NLRC3: variants seen among roughly 807,000 people sequenced by gnomAD.
The protein encoded by NLRC3 is NLR family CARD domain containing 3, also known as NLR family CARD domain-containing protein 3.
Under a neutral mutation model 91.6 loss-of-function variants are expected in NLRC3, and 87 were observed. The ratio of observed to expected loss-of-function variants is 0.95; its 90% confidence interval spans 0.80 to 1.14. The LOEUF (loss-of-function observed/expected upper bound fraction) is 1.14. NLRC3 is among the 50% of genes most tolerant of loss of function. NLRC3 has a pLI of 0.00. For synonymous variants in NLRC3, 694 were observed against 625.3 expected (o/e 1.11, Z -1.64); for missense variants, 1,577 against 1,418.6 (o/e 1.11, Z -1.79).
At chr16:3,556,017 T>G (rs1461572729) in intron 8 of NLRC3, 4 of 150,270 alleles carry the variant, frequency 2.7e-5, no homozygotes, top group African/African-American at 9.7e-5. Flanking sequence ...AGTATAGATA[T>G]AACCACAGGC....
rs1329405266 is a variant in NLRC3 at position 3,539,227 on chromosome 16, TATC to T, written c.*2595_*2597del. 1 of 152,230 alleles carries T rather than the reference TATC, an allele frequency of 6.6e-6. No homozygotes were observed. The highest frequency in any genetic ancestry group is 1.9e-4 in the East Asian group (1 of 5,204). 9.4% of individuals were successfully genotyped at this position (152,230 alleles called of 1,614,324 possible). On this transcript the variant is annotated 3_prime_UTR_variant, in exon 20 of 20. Transcript: ENST00000359128. ...TTAGGTAAGCAACACACTACATAAATATCATAGCTGTTAGACCCAGGGGACTCT... is the reference window on the plus strand; with the variant it reads ...TTAGGTAAGCAACACACTACATAAATATAGCTGTTAGACCCAGGGGACTCT...
At chr16:3,551,651 C>T (rs1456945814) in intron 10 of NLRC3, among the ~76,000 whole-genome samples, 1 of 151,402 alleles carries the variant, frequency 6.6e-6, no homozygotes, top group Non-Finnish European at 1.5e-5. Context: ...ATCCATCCAT[C>T]CATTCAACCG....
Position 3,557,770 on chromosome 16 carries a change from C to G in NLRC3, c.2016-94G>C, listed in dbSNP as rs537048380. ...GTGCCCGTGATTAATCCTCTAGGCT[C>G]CCCCACATCATCAGGGTCTGGACAT... On this transcript the variant is annotated intron_variant, in intron 6 of 19. Transcript: ENST00000359128. The G allele has an allele frequency of 6.6e-5, 51 of 775,676 alleles. No individual in the cohort carries two copies. The African/African-American group carries it at 7.7e-4, about 12-fold the overall frequency. 48.0% of individuals were successfully genotyped at this position (775,676 alleles called of 1,614,324 possible).
At chr16:3,556,387 C>G (rs975647838) in intron 8 of NLRC3, among the ~76,000 whole-genome samples, 1 of 149,562 alleles carries the variant, frequency 6.7e-6, no homozygotes, top group African/African-American at 2.5e-5. Context: ...AACTCTGTCC[C>G]CTGCTCAGGC....
In NLRC3 at chr16:3,564,161, G is replaced by T. The variant is rs756465479; in HGVS notation, c.776C>A (p.Pro259Gln). Residue 259 changes from proline (P) to glutamine (Q), a missense_variant, in exon 5 of 20, where the codon CCG becomes CAG. Physicochemically the swap from Pro to Gln is moderately conservative, Grantham distance 76 (BLOSUM62 -1). Coordinates refer to ENST00000359128, the MANE Select transcript of NLRC3 (RefSeq NM_178844.4). This position sits in a 1 kb window ranked among gnomAD's most constrained non-coding sequence, Gnocchi z 5.9. ...ITNIIRGNLF[P>Q]EVSIWITSRP... ...GGAGGTGATCCAGATGGAAACTTCC[G>T]GAAAGAGGTTGCCACGGATGATGTT... 1 of 1,613,676 alleles carries T rather than the reference G, an allele frequency of 6.2e-7. No individual in the cohort carries two copies. Among genetic ancestry groups the T allele is most frequent in the African/African-American group, 1.3e-5 (1 of 75,066 alleles).
chr16:3,570,599 G>A lies in NLRC3; in HGVS notation c.-168-3275C>T, dbSNP rs945219740. ...TCTAGGGGGAGGAGGAGCAGAGGTG[G>A]TAATTGGCGGCTGGGGAAGGCTGCT... On this transcript the variant is annotated intron_variant, in intron 1 of 19. Transcript: ENST00000359128. 3.9e-5 allele frequency among the ~76,000 whole-genome samples: 6 copies of A among 152,286 alleles called. 1 individual carries two copies. Among genetic ancestry groups the A allele is most frequent in the Admixed American group, 1.3e-4 (2 of 15,288 alleles).
rs980885933 is a variant in NLRC3, at chr16:3,542,988, G to A, written c.2940-213C>T. Reference sequence around the variant, plus strand: ...GGGGCATGGCTGGCCTAGCCAGGAGGGTTGTTGGAGCCTTCCTCCTCTTCC... The same window carrying A: ...GGGGCATGGCTGGCCTAGCCAGGAGAGTTGTTGGAGCCTTCCTCCTCTTCC... On this transcript the variant is annotated intron_variant, in intron 17 of 19. Coordinates refer to ENST00000359128, the MANE Select transcript of NLRC3 (RefSeq NM_178844.4). 4 of 564,804 alleles carry A rather than the reference G, an allele frequency of 7.1e-6. No individual in the cohort carries two copies. In the African/African-American group the frequency reaches 7.5e-5, roughly 11 times the overall value. The allele number at this position is 564,804 out of a possible 1,614,324, so 35.0% of individuals were successfully genotyped here. A position where few individuals can be genotyped will look rare whatever the true frequency, so the allele number is the denominator to read the frequency against.
rs1181368815 is a variant in NLRC3 at position 3,564,920 on chromosome 16, G to A, written c.117C>T (p.Gly39=). 2 of 1,610,150 alleles carry A rather than the reference G, an allele frequency of 1.2e-6. No individual in the cohort carries two copies. The highest frequency in any genetic ancestry group is 1.3e-5 in the African/African-American group (1 of 74,944). The change falls in exon 4 of 20, where the codon GGC becomes GGT. Residue 39 remains glycine, a synonymous_variant. Transcript: ENST00000359128. The surrounding 1 kb of genome is among the most constrained non-coding windows in gnomAD (Gnocchi z 5.9). Reference sequence around the variant, plus strand: ...TATCCAGGGCCTGCGGGGCCTGGGAGCCTTGACTGCCCTTCCCAGCCAGCA... The same window carrying A: ...TATCCAGGGCCTGCGGGGCCTGGGAACCTTGACTGCCCTTCCCAGCCAGCA... ...MDLLAGKGSQ[G]SQAPQALDRT...
At chr16:3,554,148 C>T (rs981155172) in intron 9 of NLRC3, 94 bp downstream of exon 9, 1 of 958,834 alleles carries the variant, frequency 1.0e-6, no homozygotes, top group Non-Finnish European at 1.7e-6. Flanking sequence ...GGTCCTAGCC[C>T]CATCCATTCT....
Position 3,561,808 on chromosome 16 carries a change from A to C in NLRC3, c.1929-20T>G. The C allele has an allele frequency of 6.3e-7, 1 of 1,593,992 alleles. No homozygotes were observed. Among genetic ancestry groups the C allele is most frequent in the Non-Finnish European group, 8.6e-7 (1 of 1,162,242 alleles). On this transcript the variant is annotated intron_variant, in intron 5 of 19. Transcript: ENST00000359128. ...TCCAGCCTGGCCAAGGGGAGCAGTGACAGTGAGTGTCCCACCCGCCCACGG... is the reference window on the plus strand; with the variant it reads ...TCCAGCCTGGCCAAGGGGAGCAGTGCCAGTGAGTGTCCCACCCGCCCACGG...
rs1048698195 is a variant in NLRC3, at chr16:3,557,750, C to T, written c.2016-74G>A. On this transcript the variant is annotated intron_variant, in intron 6 of 19. Coordinates refer to ENST00000359128, the MANE Select transcript of NLRC3 (RefSeq NM_178844.4). ...ATGGCCTCTTCCTCAACGCTGTGCC[C>T]GTGATTAATCCTCTAGGCTCCCCCA... 8 of 913,972 alleles carry T rather than the reference C, an allele frequency of 8.8e-6. No individual in the cohort carries two copies. The East Asian group carries it at 1.0e-4, about 12-fold the overall frequency. The allele number at this position is 913,972 out of a possible 1,614,324, so 56.6% of individuals were successfully genotyped here. A position where few individuals can be genotyped will look rare whatever the true frequency, so the allele number is the denominator to read the frequency against.
intron 5 of NLRC3, among the ~76,000 whole-genome samples, 177 bp from the exon 6 acceptor site, chr16:3,561,965 CCCA>C (rs1441407609): frequency 2.6e-5 from 4 of 152,182 alleles, no homozygotes; most frequent in Admixed American, 6.5e-5. Context: ...AGGCTGGGTG[CCCA>C]CGAGACCTGC....
Position 3,563,734 on chromosome 16 carries a change from G to A in NLRC3, c.1203C>T (p.Gly401=). 1 of 1,613,412 alleles carries A rather than the reference G, an allele frequency of 6.2e-7. No individual in the cohort carries two copies. Among genetic ancestry groups the A allele is most frequent in the East Asian group, 2.2e-5 (1 of 44,858 alleles). The part of the protein sequence containing the change: ...HGGRKMVGTL[G]RLAFHGLLKK... ...TGAGCAGCCCATGGAAGGCCAGACG[G>A]CCCAATGTCCCCACCATCTTGCGGC... The change falls in exon 5 of 20, where the codon GGC becomes GGT. Residue 401 remains glycine (G), a synonymous_variant. Transcript: ENST00000359128.
intron 9 of NLRC3, among the ~76,000 whole-genome samples, chr16:3,553,006 C>G (rs1177135654): frequency 2.0e-5 from 3 of 152,326 alleles, no homozygotes; most frequent in East Asian, 3.9e-4. Context: ...GAAAAAGCTG[C>G]TTCCTCTTGT....
chr16:3,540,698 G>A lies in NLRC3; in HGVS notation c.*1127C>T, dbSNP rs2038359235. 2 of 152,280 alleles carry A rather than the reference G, an allele frequency of 1.3e-5. No individual in the cohort carries two copies. The highest frequency in any genetic ancestry group is 1.5e-5 in the Non-Finnish European group (1 of 68,104). 9.4% of individuals were successfully genotyped at this position (152,280 alleles called of 1,614,324 possible). A position where few individuals can be genotyped will look rare whatever the true frequency, so the allele number is the denominator to read the frequency against. ...CGTGCCTGTAGACCCAACTACTTGGGAGGCCGAGGCAGGAGAATCACTGGA... is the reference window on the plus strand; with the variant it reads ...CGTGCCTGTAGACCCAACTACTTGGAAGGCCGAGGCAGGAGAATCACTGGA... On this transcript the variant is annotated 3_prime_UTR_variant, in exon 20 of 20. Transcript: ENST00000359128.
chr16:3,556,720 C>G (rs577351232), intron 8 of NLRC3, among the ~76,000 whole-genome samples, 191 bp downstream of exon 8: 1 of 152,284 alleles, frequency 6.6e-6, no homozygotes, highest in African/African-American at 2.4e-5. Context: ...CCAGGCTGCT[C>G]TCGAGCTCCT....
chr16:3,563,672 G>A lies in NLRC3; in HGVS notation c.1265C>T (p.Ala422Val), dbSNP rs757475614. 3.2e-5 allele frequency: 52 copies of A among 1,613,714 alleles called. No homozygotes were observed. In the Middle Eastern group the frequency reaches 4.9e-4, roughly 15 times the overall value. ...CAGCAGAGCGAGGTCTACACCAAAC[G>A]CCTTCATGTCTTGCTCGTAAAACAC... ...KYVFYEQDMK[A>V]FGVDLALLQG... The change falls in exon 5 of 20, where the codon GCG becomes GTG. Residue 422 changes from alanine (A) to valine (V), a missense_variant. Physicochemically the swap from Ala to Val is moderately conservative, Grantham distance 64. Transcript: ENST00000359128.
Position 3,557,539 on chromosome 16 carries a change from C to A in NLRC3, c.2099+54G>T. The A allele has an allele frequency of 5.1e-6, 6 of 1,168,968 alleles. No individual in the cohort carries two copies. In the South Asian group the frequency reaches 6.4e-5, roughly 12 times the overall value. The allele number at this position is 1,168,968 out of a possible 1,614,324, so 72.4% of individuals were successfully genotyped here. A position where few individuals can be genotyped will look rare whatever the true frequency, so the allele number is the denominator to read the frequency against. ...AGGGAGGGGACTTCACAAGATGCCT[C>A]ACAACTCTTCTGGTTCCAATGGCAA... On this transcript the variant is annotated intron_variant, in intron 7 of 19. Transcript: ENST00000359128.
At chr16:3,552,320 ACAGC>A (rs1313604646) in intron 9 of NLRC3, 41 bp from the exon 10 acceptor site, 2 of 1,425,260 alleles carry the variant, frequency 1.4e-6, no homozygotes, top group Admixed American at 3.3e-5. Context: ...AAGGCTGGTC[ACAGC>A]CATTCCCAGG....
Sources: gnomAD v4.1 joint callset for allele counts (sites outside exome capture counted in the v4.1 genomes callset) on GRCh38, gnomAD v4.1.1 for gene constraint, Gnocchi (gnomAD v3.1) non-coding constraint, MANE v1.5 for transcripts, NCBI Gene and HGNC (gene_info 2026-07-23, HGNC 2026-07-21) for gene names.